Variants in AASS observed in about 807,000 individuals in gnomAD.
AASS encodes aminoadipate-semialdehyde synthase.
In AASS, 86 loss-of-function variants were observed where a neutral mutation model predicts 105.4. The observed-to-expected ratio is 0.82, with a 90% CI of 0.69 to 0.98. The LOEUF (loss-of-function observed/expected upper bound fraction) is 0.98. Among genes scored for constraint, AASS ranks in the 50% least tolerant of loss-of-function variants. AASS has a pLI of 0.00. For synonymous variants in AASS, 381 were observed against 394.8 expected (o/e 0.96, Z 0.41); for missense variants, 1,048 against 1,143.2 (o/e 0.92, Z 1.20).
At chr7:122,078,701 C>A (rs978596940) in intron 22 of AASS, among the ~76,000 whole-genome samples, 161 bp downstream of exon 22, 6 of 152,118 alleles carry the variant, frequency 3.9e-5, no homozygotes, top group Admixed American at 1.3e-4. Flanking sequence ...CCTAATAATT[C>A]TCAAATTCCT....
chr7:122,123,008 G>C (rs1404951341), intron 4 of AASS, among the ~76,000 whole-genome samples: 3 of 152,124 alleles, frequency 2.0e-5, no homozygotes, highest in South Asian at 2.1e-4. Flanking sequence ...ACACACTTCA[G>C]GGCATCCCTG....
chr7:122,111,086 G>T (rs1305014662), intron 11 of AASS, among the ~76,000 whole-genome samples: 1 of 152,104 alleles, frequency 6.6e-6, no homozygotes, highest in East Asian at 1.9e-4. Flanking sequence ...AGAAGACTAT[G>T]ACCAATTCTC....
chr7:122,076,850 T>C (rs1213088031), intron 23 of AASS, among the ~76,000 whole-genome samples: 2 of 152,218 alleles, frequency 1.3e-5, no homozygotes, highest in Non-Finnish European at 2.9e-5. Context: ...TCAGAACTTG[T>C]ACACTTAACT....
At chr7:122,110,522 C>T (rs1794884862) in intron 11 of AASS, among the ~76,000 whole-genome samples, 2 of 151,758 alleles carry the variant, frequency 1.3e-5, no homozygotes, top group Admixed American at 1.3e-4. Context: ...ATGCTACCAA[C>T]CCAAATAGTT....
rs540903795 is a variant in AASS at position 122,113,172 on chromosome 7, T to C, written c.1224A>G (p.Pro408=). 2 of 1,614,050 alleles carry C rather than the reference T, an allele frequency of 1.2e-6. No homozygotes were observed. Among genetic ancestry groups the C allele is most frequent in the East Asian group, 4.5e-5 (2 of 44,838 alleles). Residue 408 remains proline (P), a synonymous_variant, in exon 11 of 24, where the codon CCA becomes CCG. Transcript: ENST00000417368. ...CSIDNLPAQL[P]IEATECFGDM... is the part of the protein sequence containing the mutation. Reference sequence around the variant, plus strand: ...CTCCAAAGCATTCTGTAGCTTCAATTGGGAGCTGTGCCGGCAAATTGTCAA... The same window carrying C: ...CTCCAAAGCATTCTGTAGCTTCAATCGGGAGCTGTGCCGGCAAATTGTCAA...
chr7:122,076,447 G>T lies in AASS; in HGVS notation c.*42C>A. 8.1e-7 allele frequency: 1 copy of T among 1,239,144 alleles called. No homozygotes were observed. Among genetic ancestry groups the T allele is most frequent in the Non-Finnish European group, 1.2e-6 (1 of 838,258 alleles). 76.8% of individuals were successfully genotyped at this position (1,239,144 alleles called of 1,614,324 possible). A position where few individuals can be genotyped will look rare whatever the true frequency, so the allele number is the denominator to read the frequency against. ...CCCATTTATCACACACATGTTCAGAGGTGTATTGCCTGGGAAGAAAAAAAC... is the reference window on the plus strand; with the variant it reads ...CCCATTTATCACACACATGTTCAGATGTGTATTGCCTGGGAAGAAAAAAAC... On this transcript the variant is annotated 3_prime_UTR_variant, in exon 24 of 24. Transcript: ENST00000417368.
At chr7:122,085,852 G>A (rs1426249988) in intron 19 of AASS, among the ~76,000 whole-genome samples, 160 bp downstream of exon 19, 1 of 151,898 alleles carries the variant, frequency 6.6e-6, no homozygotes, top group Non-Finnish European at 1.5e-5. Flanking sequence ...TTATTTTGAG[G>A]TGAGTCTCCT....
intron 11 of AASS, among the ~76,000 whole-genome samples, chr7:122,105,962 C>A (rs1794647305): frequency 6.6e-6 from 1 of 151,884 alleles, no homozygotes; most frequent in Non-Finnish European, 1.5e-5. Context: ...TAAACAAAAT[C>A]AACAAACCCT....
chr7:122,078,471 G>C lies in AASS; in HGVS notation c.2485+391C>G, dbSNP rs552213442. Among the ~76,000 whole-genome samples the C allele has an allele frequency of 2.0e-5, 3 of 152,120 alleles. No individual in the cohort carries two copies. The South Asian group carries it at 6.2e-4, about 32-fold the overall frequency. The stretch of plus-strand genomic sequence containing the variant: ...TACTAAAAATACAAAAATTAGCTGG[G>C]CATGGTGGCAGGCAACTGTAGTCCC... On this transcript the variant is annotated intron_variant, in intron 22 of 23. Transcript: ENST00000417368.
intron 9 of AASS, 125 bp downstream of exon 9, chr7:122,114,949 G>A (rs1795098694): frequency 7.6e-7 from 1 of 1,312,662 alleles, no homozygotes; most frequent in Non-Finnish European, 1.1e-6. Flanking sequence ...ACTGCCAAGA[G>A]GTCAAGAAAG....
At chr7:122,087,059 G>A (rs1373961805) in intron 18 of AASS, among the ~76,000 whole-genome samples, 2 of 152,144 alleles carry the variant, frequency 1.3e-5, no homozygotes. Context: ...GTTGCTGCTG[G>A]TGGAACTAAA....
At chr7:122,080,660 T>C (rs1273071707) in intron 20 of AASS, among the ~76,000 whole-genome samples, 1 of 152,228 alleles carries the variant, frequency 6.6e-6, no homozygotes, top group Non-Finnish European at 1.5e-5. Context: ...AGGTGGTAGA[T>C]ACCCCATTTA....
At chr7:122,087,429 A>T (rs977375681) in intron 18 of AASS, among the ~76,000 whole-genome samples, 1 of 152,220 alleles carries the variant, frequency 6.6e-6, no homozygotes, top group Non-Finnish European at 1.5e-5. Context: ...GAAGGATGTG[A>T]GGAATGCCTT....
intron 4 of AASS, among the ~76,000 whole-genome samples, chr7:122,119,031 A>T (rs966711869): frequency 1.3e-5 from 2 of 152,118 alleles, no homozygotes; most frequent in Non-Finnish European, 2.9e-5. Flanking sequence ...TAACAAAAAC[A>T]AATGAACAAA....
intron 11 of AASS, among the ~76,000 whole-genome samples, chr7:122,109,421 A>G (rs968586872): frequency 6.6e-6 from 1 of 152,154 alleles, no homozygotes; most frequent in African/African-American, 2.4e-5. Context: ...TATAGTAACC[A>G]AAACAGCATG....
At chr7:122,121,457 T>A (rs1051300340) in intron 4 of AASS, among the ~76,000 whole-genome samples, 1 of 152,148 alleles carries the variant, frequency 6.6e-6, no homozygotes, top group East Asian at 1.9e-4. Context: ...TGTAGTGGCA[T>A]GAACACAGTT....
intron 11 of AASS, among the ~76,000 whole-genome samples, chr7:122,107,091 C>G (rs762914592): frequency 6.6e-6 from 1 of 152,084 alleles, no homozygotes; most frequent in Non-Finnish European, 1.5e-5. Flanking sequence ...TGAACAGACA[C>G]TTTTCAATTG....
intron 20 of AASS, 67 bp downstream of exon 20, chr7:122,081,433 C>T: frequency 8.1e-7 from 1 of 1,238,496 alleles, no homozygotes; most frequent in East Asian, 2.3e-5. Flanking sequence ...AAGCAGAGTT[C>T]ACCCCCGACC....
At chr7:122,125,565 G>A (rs1363392618) in intron 4 of AASS, among the ~76,000 whole-genome samples, 1 of 152,158 alleles carries the variant, frequency 6.6e-6, no homozygotes. Context: ...CTCACGTTCT[G>A]TATTCGTTCC....
Sources: gnomAD v4.1 joint callset for allele counts (sites outside exome capture counted in the v4.1 genomes callset) on GRCh38, gnomAD v4.1.1 for gene constraint, MANE v1.5 for transcripts, NCBI Gene and HGNC (gene_info 2026-07-23, HGNC 2026-07-21) for gene names.